Variants in KLRG1 observed in about 807,000 individuals in gnomAD.
The protein encoded by KLRG1 is killer cell lectin like receptor G1.
In KLRG1, 16 loss-of-function variants were observed where a neutral mutation model predicts 21.8. That is an observed-to-expected ratio of 0.73 (90% CI 0.50 to 1.11). KLRG1 has a LOEUF of 1.11. Among genes scored for constraint, KLRG1 ranks in the 50% most tolerant of loss-of-function variants. The pLI, the probability that KLRG1 is intolerant of heterozygous loss-of-function variation, is 0.00. For missense variants in KLRG1, 173 were observed against 218.3 expected (o/e 0.79, Z 1.31); for synonymous variants, 69 against 75.9 (o/e 0.91, Z 0.47).
the KLRG1 span, among the ~76,000 whole-genome samples, chr12:9,172,782 C>T: frequency 6.6e-6 from 1 of 151,916 alleles, no homozygotes. Context: ...GCTAACTATC[C>T]TAAATATATA....
chr12:9,033,466 G>A, the KLRG1 span, among the ~76,000 whole-genome samples: 12,480 of 151,788 alleles, frequency 0.082, 815 homozygotes, highest in African/African-American at 0.18. Context: ...GGATTACTGG[G>A]GTATTTCCCC....
chr12:9,082,429 G>A, the KLRG1 span, among the ~76,000 whole-genome samples: 1 of 152,288 alleles, frequency 6.6e-6, no homozygotes, highest in South Asian at 2.1e-4. Context: ...GGCCCAACCA[G>A]TGGCCCTACC....
the KLRG1 span, among the ~76,000 whole-genome samples, chr12:9,191,966 A>C: frequency 6.6e-6 from 1 of 152,236 alleles, no homozygotes; most frequent in Non-Finnish European, 1.5e-5. Context: ...AACTAAAGTG[A>C]AAAACTAGTG....
the KLRG1 span, among the ~76,000 whole-genome samples, chr12:9,082,910 T>C: frequency 1.3e-5 from 2 of 152,218 alleles, no homozygotes; most frequent in African/African-American, 2.4e-5. Context: ...AGCAGCATGA[T>C]TTATAATCCT....
chr12:9,042,013 T>A, the KLRG1 span, among the ~76,000 whole-genome samples: 9 of 152,182 alleles, frequency 5.9e-5, no homozygotes, highest in Non-Finnish European at 1.3e-4. Flanking sequence ...CTCTAAGAAA[T>A]TCTTTGTAAA....
At chr12:9,087,319 A>T in the KLRG1 span, among the ~76,000 whole-genome samples, 16 of 152,198 alleles carry the variant, frequency 1.1e-4, no homozygotes, top group African/African-American at 3.9e-4. Flanking sequence ...ATAGAATTCC[A>T]TTCCATTTTA....
the KLRG1 span, chr12:9,135,260 A>T: frequency 4.1e-4 from 107 of 262,242 alleles, 1 homozygote; most frequent in African/African-American, 2.1e-3. Flanking sequence ...ACAAAAGATC[A>T]AGTTATCTTT....
chr12:9,160,207 T>C, the KLRG1 span: 1 of 1,223,814 alleles, frequency 8.2e-7, no homozygotes, highest in South Asian at 1.5e-5. Flanking sequence ...AGATTGTTGT[T>C]TTCATAAAAA....
At chr12:9,157,505 T>G in the KLRG1 span, 1 of 832,644 alleles carries the variant, frequency 1.2e-6, no homozygotes, top group Non-Finnish European at 1.8e-6. Context: ...AGAAAAATAT[T>G]TCGATCTCTT....
chr12:9,046,448 A>C, the KLRG1 span, among the ~76,000 whole-genome samples: 1 of 152,244 alleles, frequency 6.6e-6, no homozygotes, highest in Admixed American at 6.5e-5. Context: ...TCTGCACCTA[A>C]GCATGTTATG....
At chr12:9,039,220 G>T in the KLRG1 span, among the ~76,000 whole-genome samples, 1 of 152,186 alleles carries the variant, frequency 6.6e-6, no homozygotes, top group African/African-American at 2.4e-5. Context: ...TATTCTCTTT[G>T]TCCTCTCTCA....
chr12:9,192,859 A>C, the KLRG1 span: 5 of 617,010 alleles, frequency 8.1e-6, no homozygotes, highest in Admixed American at 6.0e-5. Flanking sequence ...CCTCTCCCTC[A>C]TACTGGTCGA....
At chr12:9,171,787 A>G in the KLRG1 span, among the ~76,000 whole-genome samples, 4 of 152,228 alleles carry the variant, frequency 2.6e-5, no homozygotes, top group African/African-American at 9.6e-5. Flanking sequence ...AGACTAGAAT[A>G]GAGAAGAAAG....
At chr12:9,089,228 T>C in the KLRG1 span, 2 of 1,589,776 alleles carry the variant, frequency 1.3e-6, no homozygotes, top group South Asian at 1.1e-5. Flanking sequence ...AGTTGAATGT[T>C]GTTTCCTTCT....
the KLRG1 span, among the ~76,000 whole-genome samples, chr12:9,180,305 AG>A: frequency 2.6e-5 from 4 of 152,140 alleles, no homozygotes; most frequent in South Asian, 8.3e-4. Context: ...ACTACTTTAA[AG>A]TTCATATGGA....
At chr12:9,053,030 A>G in the KLRG1 span, among the ~76,000 whole-genome samples, 1 of 152,200 alleles carries the variant, frequency 6.6e-6, no homozygotes, top group Non-Finnish European at 1.5e-5. Flanking sequence ...AATGTTGATG[A>G]GACAATGGCC....
At chr12:9,158,764 T>C in the KLRG1 span, among the ~76,000 whole-genome samples, 3 of 148,558 alleles carry the variant, frequency 2.0e-5, no homozygotes, top group Admixed American at 6.7e-5. Context: ...TTTCTTTTTT[T>C]TTTTTTTTTT....
chr12:9,055,049 G>A, the KLRG1 span, among the ~76,000 whole-genome samples: 1 of 152,196 alleles, frequency 6.6e-6, no homozygotes, highest in Non-Finnish European at 1.5e-5. Context: ...AATAACACGT[G>A]ATTCTGTCAC....
At chr12:9,187,136 A>G in the KLRG1 span, among the ~76,000 whole-genome samples, 1 of 152,070 alleles carries the variant, frequency 6.6e-6, no homozygotes, top group Non-Finnish European at 1.5e-5. Flanking sequence ...ATTCAATGAG[A>G]AGACCTAACT....
Sources: allele counts gnomAD v4.1 joint callset (sites outside exome capture counted in the v4.1 genomes callset), GRCh38; gene constraint gnomAD v4.1.1; transcripts MANE v1.5; gene names NCBI Gene and HGNC (gene_info 2026-07-23, HGNC 2026-07-21).